Variants in ZFAND4 observed in about 807,000 individuals in gnomAD.
ZFAND4 encodes AN1-type zinc finger protein 4.
In ZFAND4, 43 loss-of-function variants were observed where a neutral mutation model predicts 64.4. The observed-to-expected ratio is 0.67, with a 90% CI of 0.52 to 0.86. The LOEUF (loss-of-function observed/expected upper bound fraction) is 0.86, where lower values mean the gene tolerates loss of function less well. Ranked by LOEUF, ZFAND4 falls within the 40% of genes least tolerant of loss-of-function variation. The pLI is 0.00. For synonymous variants in ZFAND4, 296 were observed against 305.7 expected (o/e 0.97, Z 0.33); for missense variants, 929 against 859.8 (o/e 1.08, Z -1.01).
intron 5 of ZFAND4, among the ~76,000 whole-genome samples, chr10:45,647,263 T>C (rs1199320299): frequency 6.6e-6 from 1 of 152,126 alleles, no homozygotes; most frequent in Admixed American, 6.5e-5. Flanking sequence ...AAATGAATTA[T>C]GCCAGCAATA....
intron 6 of ZFAND4, among the ~76,000 whole-genome samples, chr10:45,630,943 A>G (rs1207257707): frequency 6.6e-6 from 1 of 150,736 alleles, no homozygotes; most frequent in African/African-American, 2.4e-5. Context: ...CCTGGGTGAC[A>G]CTGCAAGACC....
chr10:45,635,195 C>CAAAAAAAAAAAAAAAAAAAAAA (rs1173808756), intron 6 of ZFAND4, among the ~76,000 whole-genome samples: 4 of 27,636 alleles, frequency 1.4e-4, no homozygotes, highest in Admixed American at 4.8e-4. Flanking sequence ...GCCATCTAAG[C>CAAAAAAAAAAAAAAAAAAAAAA]AAAAAAAAAA....
chr10:45,635,203 AAAAAAAAAAAC>A (rs1281117656), intron 6 of ZFAND4, among the ~76,000 whole-genome samples: 21 of 146,000 alleles, frequency 1.4e-4, no homozygotes, highest in African/African-American at 2.3e-4. Context: ...AGCAAAAAAA[AAAAAAAAAAAC>A]AAAAAAAAAA....
intron 5 of ZFAND4, among the ~76,000 whole-genome samples, chr10:45,645,018 G>A (rs532586326): frequency 7.5e-6 from 1 of 132,906 alleles, no homozygotes; most frequent in East Asian, 2.2e-4. Context: ...GTCTCACTCT[G>A]TCACCCAGGC....
rs769204212 is a variant in ZFAND4 at position 45,618,221 on chromosome 10, G to A, written c.1967C>T (p.Pro656Leu). The A allele has an allele frequency of 6.2e-7, 1 of 1,613,712 alleles. No individual in the cohort carries two copies. The highest frequency in any genetic ancestry group is 2.2e-5 in the East Asian group (1 of 44,848). Residue 656 changes from proline to leucine, a missense_variant, in exon 9 of 10, where the codon CCT becomes CTT. Pro to Leu is a moderately conservative substitution (Grantham distance 98, BLOSUM62 -3). Transcript: ENST00000344646. ...TGTTGTTTTCTTCTTTGTCTGAAGAGGGGCTTTCACAGGTGGGAGGTGATG... is the reference window on the plus strand; with the variant it reads ...TGTTGTTTTCTTCTTTGTCTGAAGAAGGGCTTTCACAGGTGGGAGGTGATG... ...TTHHLPPVKA[P>L]LQTKKKTTNH...
At chr10:45,624,434 A>C in intron 8 of ZFAND4, 149 bp downstream of exon 8, 1 of 630,088 alleles carries the variant, frequency 1.6e-6, no homozygotes, top group Non-Finnish European at 2.7e-6. Flanking sequence ...TCTCATAATT[A>C]TTCTTAATTG....
intron 6 of ZFAND4, among the ~76,000 whole-genome samples, chr10:45,638,566 TGC>T (rs201920449): frequency 0.06 from 9,092 of 152,218 alleles, 392 homozygotes; most frequent in African/African-American, 0.12. Context: ...AAGTTAAACG[TGC>T]ATCTTCCCTC....
chr10:45,637,908 T>C (rs745762949), intron 6 of ZFAND4, among the ~76,000 whole-genome samples: 1 of 152,204 alleles, frequency 6.6e-6, no homozygotes, highest in Non-Finnish European at 1.5e-5. Context: ...GTACCCATAG[T>C]ATATAAAGAT....
chr10:45,653,653 A>G (rs1312992810), intron 2 of ZFAND4, among the ~76,000 whole-genome samples: 1 of 152,246 alleles, frequency 6.6e-6, no homozygotes, highest in Non-Finnish European at 1.5e-5. Flanking sequence ...GGCTATTAAT[A>G]AAAAGTCAAA....
chr10:45,661,773 T>A (rs147683454), intron 2 of ZFAND4, among the ~76,000 whole-genome samples: 2,446 of 152,004 alleles, frequency 0.016, 74 homozygotes, highest in African/African-American at 0.055. Flanking sequence ...AAACCCCATC[T>A]CTACTAAAAG....
Position 45,626,367 on chromosome 10 carries a change from A to G in ZFAND4, c.1456T>C (p.Ser486Pro). ...GACTGTCTCTCTGGTTTCACCAGAG[A>G]ATTATGTAGCGACATTGGTGCAGAA... ...RCSAPMSLHN[S>P]LVKPERQSKC... The change falls in exon 7 of 10, where the codon TCT becomes CCT. Residue 486 changes from serine to proline, a missense_variant. Ser to Pro is a moderately conservative substitution (Grantham distance 74). Transcript: ENST00000344646. The G allele has an allele frequency of 6.2e-7, 1 of 1,614,186 alleles. No homozygotes were observed. The highest frequency in any genetic ancestry group is 8.5e-7 in the Non-Finnish European group (1 of 1,180,022).
chr10:45,637,066 C>T (rs766678170), intron 6 of ZFAND4, among the ~76,000 whole-genome samples: 31 of 151,298 alleles, frequency 2.0e-4, no homozygotes, highest in Non-Finnish European at 3.5e-4. Flanking sequence ...TTCAGCTGGG[C>T]GCGGTGGCTC....
intron 6 of ZFAND4, among the ~76,000 whole-genome samples, chr10:45,629,489 AG>A (rs760713599): frequency 1.1e-4 from 17 of 152,318 alleles, no homozygotes; most frequent in Non-Finnish European, 2.4e-4. Flanking sequence ...GAAGCAGGAA[AG>A]GGAAAATAAG....
chr10:45,625,051 C>T (rs1331097845), intron 7 of ZFAND4, among the ~76,000 whole-genome samples: 1 of 151,902 alleles, frequency 6.6e-6, no homozygotes, highest in Non-Finnish European at 1.5e-5. Context: ...GTGGCATGTG[C>T]CTGTAGTCCC....
chr10:45,626,560 T>G lies in ZFAND4; in HGVS notation c.1263A>C (p.Lys421Asn). Residue 421 changes from lysine (K) to asparagine (N), a missense_variant, in exon 7 of 10, where the codon AAA becomes AAC. Coordinates refer to ENST00000344646, the MANE Select transcript of ZFAND4 (RefSeq NM_174890.4). ...TAGTGAGTAGCAACTCCAGATTCAC[T>G]TTGCACGCACCTTCTAAGCCGCTGC... ...EQSSGLEGAC[K>N]VNLELLLTNA... The G allele has an allele frequency of 6.2e-7, 1 of 1,614,162 alleles. No homozygotes were observed. The highest frequency in any genetic ancestry group is 8.5e-7 in the Non-Finnish European group (1 of 1,180,042).
At chr10:45,625,106 G>A (rs2045703551) in intron 7 of ZFAND4, among the ~76,000 whole-genome samples, 1 of 151,648 alleles carries the variant, frequency 6.6e-6, no homozygotes. Flanking sequence ...GAGCCCTGGA[G>A]GTCAAGGCTG....
intron 8 of ZFAND4, among the ~76,000 whole-genome samples, chr10:45,622,161 A>G (rs1272621207): frequency 1.3e-5 from 2 of 152,260 alleles, no homozygotes. Flanking sequence ...ACAGACACAT[A>G]GACCAATGAG....
intron 6 of ZFAND4, among the ~76,000 whole-genome samples, chr10:45,638,827 T>C (rs1413972239): frequency 6.6e-6 from 1 of 152,174 alleles, no homozygotes; most frequent in Non-Finnish European, 1.5e-5. Flanking sequence ...ACAAATACTT[T>C]TAACAAAAGA....
intron 2 of ZFAND4, among the ~76,000 whole-genome samples, chr10:45,662,180 T>C (rs934969926): frequency 6.6e-6 from 1 of 152,196 alleles, no homozygotes; most frequent in Non-Finnish European, 1.5e-5. Flanking sequence ...TTTCCTAATA[T>C]CTGTATTTGT....
Sources: allele counts gnomAD v4.1 joint callset (sites outside exome capture counted in the v4.1 genomes callset), GRCh38; gene constraint gnomAD v4.1.1; transcripts MANE v1.5; gene names NCBI Gene and HGNC (gene_info 2026-07-23, HGNC 2026-07-21).